Variants in DNAH3 observed in about 807,000 individuals in gnomAD.
DNAH3 encodes the protein axonemal beta dynein heavy chain 3.
DNAH3 carries 332 observed loss-of-function variants against 432.5 expected under a neutral mutation model. The observed-to-expected ratio is 0.77, with a 90% CI of 0.70 to 0.84. DNAH3 has a LOEUF of 0.84. Ranked by LOEUF, DNAH3 falls within the 40% of genes least tolerant of loss-of-function variation. The pLI is 0.00. For synonymous variants in DNAH3, 1,956 were observed against 1,900.2 expected (o/e 1.03, Z -0.76); for missense variants, 4,861 against 5,114.0 (o/e 0.95, Z 1.51).
At chr16:20,992,307 T>C (rs553292159) in intron 44 of DNAH3, among the ~76,000 whole-genome samples, 12 of 152,166 alleles carry the variant, frequency 7.9e-5, no homozygotes, top group Non-Finnish European at 1.6e-4. Context: ...TCTCATTATC[T>C]GGTATATCAA....
intron 57 of DNAH3, among the ~76,000 whole-genome samples, chr16:20,946,958 G>T (rs2084075316): frequency 6.7e-6 from 1 of 149,972 alleles, no homozygotes; most frequent in African/African-American, 2.5e-5. Context: ...CTGAGTAGTT[G>T]GGACTACAAG....
chr16:21,078,421 T>C (rs748595942), intron 20 of DNAH3, among the ~76,000 whole-genome samples: 1 of 152,142 alleles, frequency 6.6e-6, no homozygotes, highest in African/African-American at 2.4e-5. Context: ...AAACAAGGAC[T>C]GATCAGGACC....
exon 1 of DNAH3, chr16:21,159,383 G>A (rs2152840074): frequency 6.2e-7 from 1 of 1,614,070 alleles, no homozygotes; most frequent in East Asian, 2.2e-5. Context: ...ACGCTGAAAG[G>A]CTGGGCCCGG....
intron 1 of DNAH3, chr16:21,159,228 C>T: frequency 2.7e-6 from 3 of 1,097,074 alleles, no homozygotes; most frequent in Non-Finnish European, 2.8e-6. Flanking sequence ...TCAAAGGGGG[C>T]TTCTTTACCC....
chr16:20,968,531 T>C (rs1335879949), intron 52 of DNAH3, among the ~76,000 whole-genome samples: 1 of 152,156 alleles, frequency 6.6e-6, no homozygotes, highest in Non-Finnish European at 1.5e-5. Flanking sequence ...TACACCTAAT[T>C]TAAATTTGAA....
intron 59 of DNAH3, among the ~76,000 whole-genome samples, chr16:20,940,186 G>C (rs1363467111): frequency 6.6e-6 from 1 of 152,122 alleles, no homozygotes; most frequent in African/African-American, 2.4e-5. Context: ...TTGAATAACT[G>C]AGCAACCTTG....
exon 53 of DNAH3, chr16:20,964,058 T>C: frequency 6.2e-7 from 1 of 1,614,188 alleles, no homozygotes; most frequent in African/African-American, 1.3e-5. Context: ...ACTTTCTGTT[T>C]CTCTGAGATC....
chr16:21,086,987 C>A lies in DNAH3; in HGVS notation c.2739G>T (p.Leu913=), dbSNP rs73542653. Residue 913 remains leucine, a synonymous_variant, in exon 19 of 62, where the codon CTG becomes CTT. Transcript: ENST00000261383. Reference sequence around the variant, plus strand: ...CAGGCACATCAGACAAGGTCTTGATCAGTTTATACGTTGTCCTCCACATAT... The same window carrying A: ...CAGGCACATCAGACAAGGTCTTGATAAGTTTATACGTTGTCCTCCACATAT... 3.7e-4 allele frequency: 598 copies of A among 1,614,164 alleles called. 1 individual carries two copies. In the African/African-American group the frequency reaches 6.3e-3, roughly 17 times the overall value.
exon 51 of DNAH3, chr16:20,975,306 T>G (rs375990754): frequency 1.2e-6 from 2 of 1,614,196 alleles, no homozygotes; most frequent in South Asian, 1.1e-5. Context: ...TTTCTTTCCA[T>G]CAGCTTCTCT....
chr16:21,050,097 C>T (rs892169926), intron 29 of DNAH3, 79 bp from the exon 30 acceptor site: 7 of 1,067,684 alleles, frequency 6.6e-6, no homozygotes, highest in African/African-American at 1.6e-5. Flanking sequence ...TATTTTGACT[C>T]ATACAAATAT....
rs548736239 is a variant in DNAH3, at chr16:21,045,262, C to CT, written c.4462-3060dup. The stretch of plus-strand genomic sequence containing the variant: ...TCAGAAGGAATGGTACCAGTTCCTC[C>CT]TTGTACCTCTGGTAGAATTCGGCTG... On this transcript the variant is annotated intron_variant, in intron 31 of 61. Coordinates refer to ENST00000261383, the Ensembl canonical transcript of DNAH3. Among the ~76,000 whole-genome samples, 360 of 151,808 alleles carry CT rather than the reference C, an allele frequency of 2.4e-3. 1 individual carries two copies. The highest frequency in any genetic ancestry group is 8.2e-3 in the African/African-American group (339 of 41,396).
chr16:20,940,310 G>A (rs896073339), intron 59 of DNAH3, among the ~76,000 whole-genome samples: 3 of 148,626 alleles, frequency 2.0e-5, no homozygotes, highest in African/African-American at 5.0e-5. Flanking sequence ...CAATCCTCCC[G>A]GCTTGCCTCC....
At chr16:21,064,771 CTTAAA>C (rs1264790497) in intron 24 of DNAH3, among the ~76,000 whole-genome samples, 1 of 151,790 alleles carries the variant, frequency 6.6e-6, no homozygotes, top group Non-Finnish European at 1.5e-5. Context: ...ATGAAATTAA[CTTAAA>C]TTATGTGACT....
intron 49 of DNAH3, 40 bp downstream of exon 49, chr16:20,982,681 T>A (rs1208345251): frequency 6.5e-7 from 1 of 1,545,790 alleles, no homozygotes; most frequent in Non-Finnish European, 8.8e-7. Flanking sequence ...GGACTTCAAA[T>A]TTGGAATATC....
rs567598513 is a variant in DNAH3, at chr16:20,947,771, T to G, written c.11343+712A>C. On this transcript the variant is annotated intron_variant, in intron 57 of 61. Transcript: ENST00000261383. ...ACAGGTCATCAATAAAAGTAAGTGG[T>G]TTTTTTTGTTTGTTTGTTTGTTTTT... 3.3e-5 allele frequency among the ~76,000 whole-genome samples: 5 copies of G among 151,868 alleles called. No homozygotes were observed. The South Asian group carries it at 6.2e-4, about 19-fold the overall frequency.
intron 57 of DNAH3, 80 bp from the exon 58 acceptor site, chr16:20,944,743 C>G: frequency 7.3e-7 from 1 of 1,366,950 alleles, no homozygotes; most frequent in Non-Finnish European, 1.0e-6. Context: ...AGAACCCAAT[C>G]AGAACAGGAA....
intron 59 of DNAH3, among the ~76,000 whole-genome samples, chr16:20,940,681 C>G (rs2083773175): frequency 6.6e-6 from 1 of 151,744 alleles, no homozygotes; most frequent in African/African-American, 2.4e-5. Flanking sequence ...ATCCTCCCTA[C>G]TCTGCTTCTC....
At chr16:21,099,794 ACT>A (rs1433717385) in intron 16 of DNAH3, among the ~76,000 whole-genome samples, 6 of 152,196 alleles carry the variant, frequency 3.9e-5, no homozygotes, top group Non-Finnish European at 8.8e-5. Context: ...TAAAATGTAA[ACT>A]CTATAAATAG....
chr16:21,102,877 CTTT>C (rs550772745), intron 16 of DNAH3, among the ~76,000 whole-genome samples: 12 of 135,244 alleles, frequency 8.9e-5, no homozygotes, highest in Admixed American at 1.5e-4. Context: ...GACTATTATT[CTTT>C]TTTTTTTTTT....
Sources: allele counts gnomAD v4.1 joint callset (sites outside exome capture counted in the v4.1 genomes callset), GRCh38; gene constraint gnomAD v4.1.1; transcripts MANE v1.5; gene names NCBI Gene and HGNC (gene_info 2026-07-23, HGNC 2026-07-21).